Variants in ARL15 observed in about 807,000 individuals in gnomAD.
The protein encoded by ARL15 is ADP-ribosylation factor-like protein 15.
In ARL15, 19 loss-of-function variants were observed where a neutral mutation model predicts 25.2. That is an observed-to-expected ratio of 0.75 (90% CI 0.53 to 1.10). The LOEUF is 1.10. Among genes scored for constraint, ARL15 ranks in the 50% least tolerant of loss-of-function variants. The pLI is 0.00. For missense variants in ARL15, 220 were observed against 246.0 expected (o/e 0.89, Z 0.71); for synonymous variants, 94 against 86.8 (o/e 1.08, Z -0.46).
intron 4 of ARL15, among the ~76,000 whole-genome samples, chr5:53,924,041 A>G (rs1158241786): frequency 1.3e-5 from 2 of 152,216 alleles, no homozygotes; most frequent in Non-Finnish European, 2.9e-5. Context: ...AGACATGACT[A>G]TAAGTTCTCT....
At chr5:53,964,466 T>G (rs1044598016) in intron 4 of ARL15, among the ~76,000 whole-genome samples, 1 of 152,114 alleles carries the variant, frequency 6.6e-6, no homozygotes, top group Non-Finnish European at 1.5e-5. Context: ...TTCACGCCAT[T>G]CTCCTGCCTC....
At chr5:54,137,882 T>C (rs1463084672) in intron 3 of ARL15, among the ~76,000 whole-genome samples, 2 of 152,054 alleles carry the variant, frequency 1.3e-5, no homozygotes, top group Non-Finnish European at 2.9e-5. Context: ...AGAAAGCTTT[T>C]TTTTTTTTTA....
chr5:53,944,373 G>A (rs1031693945), intron 4 of ARL15, among the ~76,000 whole-genome samples: 1 of 152,168 alleles, frequency 6.6e-6, no homozygotes, highest in African/African-American at 2.4e-5. Context: ...CACTTTGGGA[G>A]GCCGAGGCAG....
chr5:54,136,032 G>A (rs556683812), intron 3 of ARL15, among the ~76,000 whole-genome samples: 22 of 152,124 alleles, frequency 1.4e-4, no homozygotes, highest in Admixed American at 5.9e-4. Context: ...TTTCAAGACA[G>A]CAGAAGGCAA....
At chr5:53,993,003 G>A (rs376345228) in intron 4 of ARL15, among the ~76,000 whole-genome samples, 79 of 151,428 alleles carry the variant, frequency 5.2e-4, no homozygotes, top group Middle Eastern at 3.4e-3. Flanking sequence ...CCAAGATGGC[G>A]CCATTGCACT....
chr5:54,064,362 A>G (rs1370803342), intron 4 of ARL15, among the ~76,000 whole-genome samples: 1 of 152,218 alleles, frequency 6.6e-6, no homozygotes, highest in Non-Finnish European at 1.5e-5. Context: ...CCAGCCTTAA[A>G]CAAAAAAGCC....
intron 1 of ARL15, among the ~76,000 whole-genome samples, chr5:54,201,489 T>G (rs1017951533): frequency 1.3e-5 from 2 of 152,096 alleles, no homozygotes. Context: ...AGAACCCCCA[T>G]ATCTAATTTG....
At chr5:54,194,604 T>C (rs950197899) in intron 1 of ARL15, among the ~76,000 whole-genome samples, 2 of 152,128 alleles carry the variant, frequency 1.3e-5, no homozygotes, top group Admixed American at 6.6e-5. Context: ...AGCCACCTAA[T>C]ATGAAAAATC....
chr5:53,949,788 A>G (rs1444748597), intron 4 of ARL15, among the ~76,000 whole-genome samples: 1 of 152,216 alleles, frequency 6.6e-6, no homozygotes, highest in African/African-American at 2.4e-5. Flanking sequence ...AACTTTTTCA[A>G]CTTGATGAAA....
intron 1 of ARL15, among the ~76,000 whole-genome samples, chr5:54,204,080 T>G (rs1407895922): frequency 1.3e-5 from 2 of 152,178 alleles, no homozygotes; most frequent in East Asian, 3.9e-4. Flanking sequence ...CTAAACAACT[T>G]TGAAAATTTG....
chr5:54,173,258 G>T (rs1041726171), intron 1 of ARL15, among the ~76,000 whole-genome samples: 9 of 151,566 alleles, frequency 5.9e-5, no homozygotes, highest in African/African-American at 2.2e-4. Context: ...GGTATCATTT[G>T]TGCAGCTTTT....
chr5:53,978,854 A>C (rs1027967672), intron 4 of ARL15, among the ~76,000 whole-genome samples: 4 of 152,200 alleles, frequency 2.6e-5, no homozygotes, highest in Non-Finnish European at 5.9e-5. Context: ...TATACTTTTC[A>C]CAAAGGGAAT....
intron 4 of ARL15, among the ~76,000 whole-genome samples, chr5:54,060,128 CT>C (rs1249877530): frequency 3.1e-5 from 2 of 64,804 alleles, no homozygotes; most frequent in Non-Finnish European, 2.5e-5. Context: ...GATCTGATGA[CT>C]AAAAAAAAAA....
intron 4 of ARL15, among the ~76,000 whole-genome samples, chr5:53,966,978 G>A (rs1273318065): frequency 6.6e-6 from 1 of 152,118 alleles, no homozygotes; most frequent in Non-Finnish European, 1.5e-5. Flanking sequence ...AAGCTGTGTT[G>A]CAGCCATATA....
intron 3 of ARL15, 125 bp from the exon 4 acceptor site, chr5:54,113,535 T>C (rs777282291): frequency 7.9e-6 from 7 of 882,782 alleles, no homozygotes; most frequent in South Asian, 1.8e-5. Flanking sequence ...CTCTGTGGTA[T>C]GGATTAAAAC....
intron 2 of ARL15, among the ~76,000 whole-genome samples, chr5:54,169,657 A>G (rs1180793513): frequency 6.6e-6 from 1 of 152,254 alleles, no homozygotes; most frequent in Non-Finnish European, 1.5e-5. Flanking sequence ...CTCTGGGTAT[A>G]CAATACCACA....
intron 4 of ARL15, among the ~76,000 whole-genome samples, chr5:53,936,586 C>G (rs934750778): frequency 3.9e-5 from 6 of 152,136 alleles, no homozygotes; most frequent in Non-Finnish European, 8.8e-5. Context: ...AACAAACAAA[C>G]AAAACTTCCA....
chr5:53,890,284 G>A (rs1187668763), intron 4 of ARL15, among the ~76,000 whole-genome samples: 4 of 151,738 alleles, frequency 2.6e-5, no homozygotes, highest in African/African-American at 4.8e-5. Flanking sequence ...TTTGAACAAC[G>A]TAAGTCATAT....
intron 4 of ARL15, among the ~76,000 whole-genome samples, chr5:53,947,915 G>A (rs1247594351): frequency 2.0e-5 from 3 of 152,156 alleles, no homozygotes; most frequent in Admixed American, 6.5e-5. Context: ...GAAGAAAACA[G>A]CCCTCTCCAC....
Sources: gnomAD v4.1 joint callset for allele counts (sites outside exome capture counted in the v4.1 genomes callset) on GRCh38, gnomAD v4.1.1 for gene constraint, MANE v1.5 for transcripts, NCBI Gene and HGNC (gene_info 2026-07-23, HGNC 2026-07-21) for gene names.